EP400: variants seen among roughly 807,000 people sequenced by gnomAD.
The protein encoded by EP400 is E1A binding protein p400.
A neutral mutation model predicts 354.1 loss-of-function variants in EP400; 105 were observed. The observed-to-expected ratio is 0.30, with a 90% CI of 0.25 to 0.35. EP400 has a LOEUF of 0.35. EP400 is among the 10% of genes least tolerant of loss of function. EP400 has a pLI of 1.00. For missense variants in EP400, 3,280 were observed against 4,121.0 expected (o/e 0.80, Z 5.59); for synonymous variants, 1,646 against 1,716.9 (o/e 0.96, Z 1.02).
At position 132,031,425 on chromosome 12, in the gene EP400, A is replaced by G. The variant is rs111666175; in HGVS notation, c.5755-528A>G. The G allele has an allele frequency of 1.6e-3, 808 of 515,960 alleles. 4 individuals carry two copies. The highest frequency in any genetic ancestry group is 0.012 in the African/African-American group (646 of 51,932). 32.0% of individuals were successfully genotyped at this position (515,960 alleles called of 1,614,324 possible). A position where few individuals can be genotyped will look rare whatever the true frequency, so the allele number is the denominator to read the frequency against. On this transcript the variant is annotated intron_variant, in intron 29 of 52. Coordinates refer to ENST00000389561, the MANE Select transcript of EP400 (RefSeq NM_015409.5). ...ATGGCTGATGTTATTTAAACTGTGC[A>G]TGAGGGTGTTGGCGATGGGTGAGCG... is the stretch of plus-strand genomic sequence containing the variant.
chr12:132,046,433 G>C (rs980305206), intron 39 of EP400, among the ~76,000 whole-genome samples: 1 of 152,180 alleles, frequency 6.6e-6, no homozygotes, highest in Non-Finnish European at 1.5e-5. Flanking sequence ...TGATCGTGGC[G>C]TACTTAAAGA....
intron 1 of EP400, among the ~76,000 whole-genome samples, chr12:131,955,305 G>A (rs560330493): frequency 9.2e-5 from 14 of 151,494 alleles, no homozygotes; most frequent in Admixed American, 7.2e-4. Flanking sequence ...TTTTTGAGAC[G>A]GAGTTTCGCT....
In EP400 at chr12:131,990,771, T is replaced by C; in HGVS notation, c.2629+57T>C. The C allele has an allele frequency of 7.5e-7, 1 of 1,342,042 alleles. No individual in the cohort carries two copies. Among genetic ancestry groups the C allele is most frequent in the Non-Finnish European group, 1.1e-6 (1 of 951,374 alleles). The allele number at this position is 1,342,042 out of a possible 1,614,324, so 83.1% of individuals were successfully genotyped here. ...TTGGGTGGTATTTTGTTCGGATTCT[T>C]TTCTCAGCAGGCAGTCTCCTGGCGC... On this transcript the variant is annotated intron_variant, in intron 9 of 52. Coordinates refer to ENST00000389561, the MANE Select transcript of EP400 (RefSeq NM_015409.5). This position sits in a 1 kb window ranked among gnomAD's most constrained non-coding sequence, Gnocchi z 4.2.
rs546888125 is a variant in EP400, at chr12:131,979,404, C to G, written c.1336-290C>G. 3.9e-5 allele frequency among the ~76,000 whole-genome samples: 6 copies of G among 152,002 alleles called. No homozygotes were observed. The East Asian group carries it at 1.2e-3, about 29-fold the overall frequency. On this transcript the variant is annotated intron_variant, in intron 2 of 52. Transcript: ENST00000389561. Reference sequence around the variant, plus strand: ...GAAACTCATGTTTCCCAGCATTAGCCCTTTTGTTGTTTCCCAAGGACTGTA... The same window carrying G: ...GAAACTCATGTTTCCCAGCATTAGCGCTTTTGTTGTTTCCCAAGGACTGTA...
chr12:132,015,285 C>T (rs1326783390), intron 19 of EP400, among the ~76,000 whole-genome samples: 28 of 152,264 alleles, frequency 1.8e-4, no homozygotes, highest in Non-Finnish European at 2.9e-5. Context: ...AGTGGCGAGA[C>T]TCTCCAAGCA....
intron 15 of EP400, among the ~76,000 whole-genome samples, chr12:132,008,873 G>A (rs2136527480): frequency 6.8e-6 from 1 of 147,358 alleles, no homozygotes; most frequent in South Asian, 2.2e-4. Flanking sequence ...ACCCACCTCA[G>A]CCTCCCAAAG....
intron 51 of EP400, among the ~76,000 whole-genome samples, chr12:132,073,211 CT>C (rs753226675): frequency 7.0e-6 from 1 of 142,060 alleles, no homozygotes; most frequent in Non-Finnish European, 1.5e-5. Flanking sequence ...TCCTTGCCTT[CT>C]TTTGGGCCAC....
At position 132,013,071 on chromosome 12, in the gene EP400, C is replaced by A. The variant is rs779519798; in HGVS notation, c.3504C>A (p.Gly1168=). 6.2e-6 allele frequency: 10 copies of A among 1,613,958 alleles called. No individual in the cohort carries two copies. In the African/African-American group the frequency reaches 1.2e-4, roughly 19 times the overall value. ...CITSYTQFFR[G]LTAFTRVRWK... is the part of the protein sequence containing the mutation. ...CGTCCTACACTCAGTTCTTCCGGGG[C>A]CTCACCGCCTTCACACGAGTGCGCT... Residue 1168 remains glycine, a synonymous_variant, in exon 17 of 53, where the codon GGC becomes GGA. Coordinates refer to ENST00000389561, the MANE Select transcript of EP400 (RefSeq NM_015409.5). The surrounding 1 kb of genome is among the most constrained non-coding windows in gnomAD (Gnocchi z 4.5).
intron 12 of EP400, among the ~76,000 whole-genome samples, chr12:132,001,520 T>C (rs916362017): frequency 4.6e-5 from 7 of 152,120 alleles, no homozygotes; most frequent in African/African-American, 1.4e-4. Context: ...CGGTTAGGCC[T>C]CCGGATAACT....
At chr12:132,006,479 AG>A (rs1267812205) in intron 14 of EP400, among the ~76,000 whole-genome samples, 177 bp downstream of exon 14, 24 of 152,354 alleles carry the variant, frequency 1.6e-4, no homozygotes, top group Admixed American at 1.6e-3. Flanking sequence ...GTGAGGCAAG[AG>A]GATTGCTTAA....
At chr12:131,982,982 A>AT in intron 5 of EP400, among the ~76,000 whole-genome samples, 1 of 151,386 alleles carries the variant, frequency 6.6e-6, no homozygotes, top group African/African-American at 2.4e-5. Flanking sequence ...AAAAAAAAAA[A>AT]AAATAATAAT....
chr12:132,059,740 C>T lies in EP400; in HGVS notation c.7885-2370C>T, dbSNP rs746090320. Among the ~76,000 whole-genome samples, 29 of 152,214 alleles carry T rather than the reference C, an allele frequency of 1.9e-4. 1 individual carries two copies. The highest frequency in any genetic ancestry group is 1.7e-3 in the East Asian group (9 of 5,174). Reference sequence around the variant, plus strand: ...TTAAAGGTTAGGCTTTCAGGCTGGGCGTGGTGTCTCAACGCCTGTAATCCC... The same window carrying T: ...TTAAAGGTTAGGCTTTCAGGCTGGGTGTGGTGTCTCAACGCCTGTAATCCC... On this transcript the variant is annotated intron_variant, in intron 45 of 52. Transcript: ENST00000389561.
intron 1 of EP400, among the ~76,000 whole-genome samples, chr12:131,952,714 C>A (rs367579950): frequency 2.6e-5 from 4 of 152,160 alleles, no homozygotes; most frequent in Non-Finnish European, 5.9e-5. Context: ...AGTCTCCCAC[C>A]GTGTTGGAAT....
chr12:131,975,832 T>TA (rs1233193746), intron 2 of EP400, among the ~76,000 whole-genome samples: 1 of 152,172 alleles, frequency 6.6e-6, no homozygotes, highest in Non-Finnish European at 1.5e-5. Context: ...TGGCTGGAAA[T>TA]ACAGCATAAG....
At chr12:132,058,250 C>T (rs546215844) in intron 45 of EP400, among the ~76,000 whole-genome samples, 9 of 151,708 alleles carry the variant, frequency 5.9e-5, no homozygotes, top group African/African-American at 1.7e-4. Flanking sequence ...AACAGTGGTT[C>T]CCTGCCTTTA....
rs770826550 is a variant in EP400, at chr12:131,981,613, G to A, written c.1543+17G>A. 6.3e-7 allele frequency: 1 copy of A among 1,581,580 alleles called. No individual in the cohort carries two copies. Among genetic ancestry groups the A allele is most frequent in the Non-Finnish European group, 8.6e-7 (1 of 1,162,852 alleles). ...CCGCACAAGGTAAGGCCCAGCAGCA[G>A]AGCCAGCTCCCCGCTCAGGAGCAGG... On this transcript the variant is annotated intron_variant, in intron 4 of 52. Transcript: ENST00000389561.
chr12:132,021,004 A>G lies in EP400; in HGVS notation c.4448-75A>G, dbSNP rs917173625. 3.4e-6 allele frequency: 5 copies of G among 1,451,746 alleles called. No homozygotes were observed. In the African/African-American group the frequency reaches 7.3e-5, roughly 21 times the overall value. 89.9% of individuals were successfully genotyped at this position (1,451,746 alleles called of 1,614,324 possible). A position where few individuals can be genotyped will look rare whatever the true frequency, so the allele number is the denominator to read the frequency against. On this transcript the variant is annotated intron_variant, in intron 22 of 52. Coordinates refer to ENST00000389561, the MANE Select transcript of EP400 (RefSeq NM_015409.5). ...TGTGAAATGTTTATTTTATTTCTTT[A>G]AAATTCAGTTTAAAATATTGTATTT... is the stretch of plus-strand genomic sequence containing the variant.
At chr12:131,996,193 T>G (rs930534717) in intron 12 of EP400, among the ~76,000 whole-genome samples, 1 of 152,030 alleles carries the variant, frequency 6.6e-6, no homozygotes, top group Admixed American at 6.6e-5. Flanking sequence ...ATTCTCCTAT[T>G]CCCCAGGCAC....
rs1193543941 is a variant in EP400 at position 132,075,772 on chromosome 12, A to T, written c.9022-744A>T. ...TTTTCATCCGTTTTCTGTAAGTAAC[A>T]GGACCCAGCAAGAGACCAGGGTCCG... is the stretch of plus-strand genomic sequence containing the variant. On this transcript the variant is annotated intron_variant, in intron 51 of 52. Transcript: ENST00000389561. The surrounding 1 kb of genome is among the most constrained non-coding windows in gnomAD (Gnocchi z 4.5). 2 of 152,406 alleles carry T rather than the reference A, an allele frequency of 1.3e-5. No homozygotes were observed. Among genetic ancestry groups the T allele is most frequent in the Non-Finnish European group, 2.9e-5 (2 of 68,198 alleles). The allele number at this position is 152,406 out of a possible 1,614,324, so 9.4% of individuals were successfully genotyped here.
Sources: gnomAD v4.1 joint callset for allele counts (sites outside exome capture counted in the v4.1 genomes callset) on GRCh38, gnomAD v4.1.1 for gene constraint, Gnocchi (gnomAD v3.1) non-coding constraint, MANE v1.5 for transcripts, NCBI Gene and HGNC (gene_info 2026-07-23, HGNC 2026-07-21) for gene names.